UNC13D: variants seen among roughly 807,000 people sequenced by gnomAD.
UNC13D encodes unc-13 homolog D, also known as protein unc-13 homolog D.
In UNC13D, 115 loss-of-function variants were observed where a neutral mutation model predicts 151.7. That is an observed-to-expected ratio of 0.76 (90% CI 0.65 to 0.88). The LOEUF (loss-of-function observed/expected upper bound fraction) is 0.88. UNC13D is among the 40% of genes least tolerant of loss of function. The pLI, the probability that UNC13D is intolerant of heterozygous loss-of-function variation, is 0.00. For missense variants in UNC13D, 1,369 were observed against 1,438.7 expected (o/e 0.95, Z 0.78); for synonymous variants, 588 against 612.2 (o/e 0.96, Z 0.58).
rs3744025 is a variant in UNC13D at position 75,835,752 on chromosome 17, G to C, written c.1622C>G (p.Thr541Arg). 6.8e-6 allele frequency: 11 copies of C among 1,613,852 alleles called. No individual in the cohort carries two copies. The South Asian group carries it at 1.2e-4, about 18-fold the overall frequency. The change falls in exon 19 of 32, where the codon ACG becomes AGG. Residue 541 changes from threonine to arginine, a missense_variant. Thr to Arg is a moderately conservative substitution (Grantham distance 71). Transcript: ENST00000207549. ...WLVAKRVQDH[T>R]TVVGDVVSPE... is the part of the protein sequence containing the mutation. Reference sequence around the variant, plus strand: ...GGACACTACATCACCCACAACCGTCGTGTGGTCCTGCACCCGCTTGGCCAC... The same window carrying C: ...GGACACTACATCACCCACAACCGTCCTGTGGTCCTGCACCCGCTTGGCCAC...
chr17:75,830,608 C>G lies in UNC13D; in HGVS notation c.2679G>C (p.Arg893=), dbSNP rs1011534388. 5.1e-6 allele frequency: 8 copies of G among 1,559,568 alleles called. No homozygotes were observed. The highest frequency in any genetic ancestry group is 2.4e-5 in the East Asian group (1 of 41,504). ...GCTGGATTCGGCTGCAGAAGTACTT[C>G]CGGATGAGTTCCCGGCTGGAGGCCG... The part of the protein sequence containing the change: ...LQAASSRELI[R]KYFCSRIQQQ... The change falls in exon 28 of 32, where the codon CGG becomes CGC. Residue 893 remains arginine, a synonymous_variant. Transcript: ENST00000207549.
chr17:75,834,033 C>T, intron 24 of UNC13D, 42 bp downstream of exon 24: 1 of 1,611,400 alleles, frequency 6.2e-7, no homozygotes. Flanking sequence ...ATCTACAGAG[C>T]TGGCAGGGTG....
rs371407717 is a variant in UNC13D at position 75,843,322 on chromosome 17, C to T, written c.154-56G>A. 105 of 1,596,300 alleles carry T rather than the reference C, an allele frequency of 6.6e-5. 1 individual carries two copies. The East Asian group carries it at 2.3e-3, about 35-fold the overall frequency. ...CACCAGCCACCCCTGGCACCAACAC[C>T]TCTCGCCATGGGCAGGACAAGGGCG... On this transcript the variant is annotated intron_variant, in intron 2 of 31. Coordinates refer to ENST00000207549, the MANE Select transcript of UNC13D (RefSeq NM_199242.3).
At chr17:75,841,051 C>G (rs748276585) in intron 6 of UNC13D, 50 bp from the exon 7 acceptor site, 7 of 1,611,714 alleles carry the variant, frequency 4.3e-6, no homozygotes, top group South Asian at 2.2e-5. Flanking sequence ...TGGATGCCCC[C>G]AGACGAAGCA....
chr17:75,835,494 C>A lies in UNC13D; in HGVS notation c.1763G>T (p.Trp588Leu). Residue 588 changes from tryptophan (W) to leucine (L), a missense_variant, in exon 20 of 32, where the codon TGG becomes TTG. This residue lies in a region of UNC13D where 807 missense variants were observed against 795.5 expected (regional missense o/e 1.01). Coordinates refer to ENST00000207549, the MANE Select transcript of UNC13D (RefSeq NM_199242.3). ...GVLALDNFHR[W>L]FQPAIPSWLQ... Reference sequence around the variant, plus strand: ...CCAGGAGGGGATGGCCGGCTGGAACCAGCGGTGGAAATTATCCAGGGCCAG... The same window carrying A: ...CCAGGAGGGGATGGCCGGCTGGAACAAGCGGTGGAAATTATCCAGGGCCAG... The A allele has an allele frequency of 6.2e-7, 1 of 1,610,616 alleles. No homozygotes were observed. The highest frequency in any genetic ancestry group is 8.5e-7 in the Non-Finnish European group (1 of 1,178,614).
In UNC13D at chr17:75,844,292, G is replaced by C. The variant is rs370709761; in HGVS notation, c.46C>G (p.Arg16Gly). Residue 16 changes from arginine (R) to glycine (G), a missense_variant, in exon 1 of 32, where the codon CGC becomes GGC. This residue lies in a region of UNC13D where 550 missense variants were observed against 609.0 expected (regional missense o/e 0.90). Transcript: ENST00000207549. ...SHPQQRPPFL[R>G]QAIKIRRRRV... ...CGGCGCCTTATCTTGATGGCCTGGC[G>C]CAAGAAGGGAGGGCGCTGCTGCGGA... 6.2e-7 allele frequency: 1 copy of C among 1,612,770 alleles called. No homozygotes were observed.
rs751959443 is a variant in UNC13D at position 75,840,348 on chromosome 17, C to T, written c.754-19G>A. 1.9e-6 allele frequency: 3 copies of T among 1,612,526 alleles called. No homozygotes were observed. The highest frequency in any genetic ancestry group is 1.1e-5 in the South Asian group (1 of 91,030). On this transcript the variant is annotated intron_variant, in intron 9 of 31. Transcript: ENST00000207549. This position sits in a 1 kb window ranked among gnomAD's most constrained non-coding sequence, Gnocchi z 4.6. Reference sequence around the variant, plus strand: ...GCAGGTCCTGACAGGCGGGGATGCCCAGCCCGTGAGCGTCAGAACCTCATA... The same window carrying T: ...GCAGGTCCTGACAGGCGGGGATGCCTAGCCCGTGAGCGTCAGAACCTCATA...
At position 75,828,972 on chromosome 17, in the gene UNC13D, G is replaced by T; in HGVS notation, c.2966C>A (p.Ala989Asp). The T allele has an allele frequency of 6.2e-7, 1 of 1,603,614 alleles. No individual in the cohort carries two copies. Among genetic ancestry groups the T allele is most frequent in the Middle Eastern group, 1.8e-4 (1 of 5,414 alleles). ...FDETFEFLVP[A>D]EPCRKAGACL... ...TGCCCCAGCCTTGCGGCACGGCTCA[G>T]CAGGCACCAGGCTGCGGGGAGAGTC... Residue 989 changes from alanine (A) to aspartate (D), a missense_variant, in exon 31 of 32, where the codon GCT (alanine) becomes GAT (aspartate). This residue lies in a region of UNC13D where 807 missense variants were observed against 795.5 expected (regional missense o/e 1.01). Coordinates refer to ENST00000207549, the MANE Select transcript of UNC13D (RefSeq NM_199242.3).
chr17:75,828,096 G>T lies in UNC13D; in HGVS notation c.3152-10C>A. The T allele has an allele frequency of 6.4e-7, 1 of 1,571,354 alleles. No homozygotes were observed. The highest frequency in any genetic ancestry group is 2.3e-5 in the East Asian group (1 of 42,770). On this transcript the variant is annotated splice_polypyrimidine_tract_variant and intron_variant, in intron 31 of 31. Coordinates refer to ENST00000207549, the MANE Select transcript of UNC13D (RefSeq NM_199242.3). Reference sequence around the variant, plus strand: ...TGCAGGATTGGGTCCCCTGCGGAGAGAGGGGTTTGGGGGTCAGATGCCAGG... The same window carrying T: ...TGCAGGATTGGGTCCCCTGCGGAGATAGGGGTTTGGGGGTCAGATGCCAGG...
Position 75,843,467 on chromosome 17 carries a change from A to G in UNC13D, c.153+17T>C, listed in dbSNP as rs370193514. 2.4e-5 allele frequency: 38 copies of G among 1,604,164 alleles called. No homozygotes were observed. In the African/African-American group the frequency reaches 4.8e-4, roughly 20 times the overall value. On this transcript the variant is annotated intron_variant, in intron 2 of 31. Coordinates refer to ENST00000207549, the MANE Select transcript of UNC13D (RefSeq NM_199242.3). ...CGCCCTCCCCACCTCTCTGCACCCC[A>G]GCACTCTGACTCTTACCTGCTCGGG...
chr17:75,828,738 C>G, intron 31 of UNC13D, 49 bp downstream of exon 31: 1 of 1,474,000 alleles, frequency 6.8e-7, no homozygotes, highest in Non-Finnish European at 9.0e-7. Flanking sequence ...CCTGCCTGAG[C>G]TTTACAGGCT....
rs371407717 is a variant in UNC13D, at chr17:75,843,322, C to G, written c.154-56G>C. The G allele has an allele frequency of 5.0e-6, 8 of 1,596,182 alleles. No homozygotes were observed. In the Admixed American group the frequency reaches 1.2e-4, roughly 24 times the overall value. ...CACCAGCCACCCCTGGCACCAACACCTCTCGCCATGGGCAGGACAAGGGCG... is the reference window on the plus strand; with the variant it reads ...CACCAGCCACCCCTGGCACCAACACGTCTCGCCATGGGCAGGACAAGGGCG... On this transcript the variant is annotated intron_variant, in intron 2 of 31. Transcript: ENST00000207549.
At chr17:75,829,538 C>T (rs1388605490) in intron 30 of UNC13D, 1 of 181,434 alleles carries the variant, frequency 5.5e-6, no homozygotes, top group East Asian at 1.5e-4. Context: ...CGTGATCCGC[C>T]CGCCTTGGCC....
At position 75,836,303 on chromosome 17, in the gene UNC13D, C is replaced by T. The variant is rs74410877; in HGVS notation, c.1389+36G>A. 0.11 allele frequency: 175,554 copies of T among 1,612,904 alleles called. 10,422 individuals carry two copies. Among genetic ancestry groups the T allele is most frequent in the Non-Finnish European group, 0.12 (143,928 of 1,179,576 alleles). ...GCAGGGAGGGACTGCCAGGCCCAGGCGCTGGTCTCCCCCATCCCCAGCGCG... is the reference window on the plus strand; with the variant it reads ...GCAGGGAGGGACTGCCAGGCCCAGGTGCTGGTCTCCCCCATCCCCAGCGCG... On this transcript the variant is annotated intron_variant, in intron 15 of 31. Transcript: ENST00000207549.
intron 20 of UNC13D, 116 bp from the exon 21 acceptor site, chr17:75,835,179 A>G: frequency 6.5e-7 from 1 of 1,529,880 alleles, no homozygotes; most frequent in Non-Finnish European, 8.8e-7. Context: ...GCTTCACAAG[A>G]GACAAGCACG....
At chr17:75,828,701 C>A in intron 31 of UNC13D, 86 bp downstream of exon 31, 6 of 1,377,636 alleles carry the variant, frequency 4.4e-6, no homozygotes, top group Non-Finnish European at 5.7e-6. Flanking sequence ...AGCTGTTCTC[C>A]GACCCTGGCA....
At position 75,827,670 on chromosome 17, in the gene UNC13D, A is replaced by C. The variant is rs1218960105; in HGVS notation, c.*295T>G. 1 of 1,529,070 alleles carries C rather than the reference A, an allele frequency of 6.5e-7. No homozygotes were observed. The highest frequency in any genetic ancestry group is 8.7e-7 in the Non-Finnish European group (1 of 1,143,654). The allele number at this position is 1,529,070 out of a possible 1,614,324, so 94.7% of individuals were successfully genotyped here. On this transcript the variant is annotated 3_prime_UTR_variant, in exon 32 of 32. Coordinates refer to ENST00000207549, the MANE Select transcript of UNC13D (RefSeq NM_199242.3). ...GATGGCCCAATCCCCTGCCCACCAC[A>C]GCAGCTTTTCTGAGAGGCGGGCAGG... is the stretch of plus-strand genomic sequence containing the variant.
At chr17:75,841,045 T>C (rs73997627) in intron 6 of UNC13D, 44 bp from the exon 7 acceptor site, 17 of 1,611,756 alleles carry the variant, frequency 1.1e-5, no homozygotes, top group Non-Finnish European at 1.4e-5. Context: ...GGAGGGTGGA[T>C]GCCCCCAGAC....
rs567337692 is a variant in UNC13D at position 75,839,989 on chromosome 17, G to A, written c.951+29C>T. 5.6e-5 allele frequency: 91 copies of A among 1,613,466 alleles called. No individual in the cohort carries two copies. The Middle Eastern group carries it at 1.2e-3, about 21-fold the overall frequency. ...GTGTCAGGACCTGAAGGGCAGCCCCGGCTGCGCCCAGCCCCAGGAGGGCAA... is the reference window on the plus strand; with the variant it reads ...GTGTCAGGACCTGAAGGGCAGCCCCAGCTGCGCCCAGCCCCAGGAGGGCAA... On this transcript the variant is annotated intron_variant, in intron 11 of 31. Transcript: ENST00000207549.
Sources: gnomAD v4.1 joint callset for allele counts on GRCh38, gnomAD v4.1.1 for gene constraint, gnomAD v4.1.1 regional missense constraint, Gnocchi (gnomAD v3.1) non-coding constraint, MANE v1.5 for transcripts, NCBI Gene and HGNC (gene_info 2026-07-23, HGNC 2026-07-21) for gene names.